CAPN9: variants seen among roughly 807,000 people sequenced by gnomAD.
The protein encoded by CAPN9 is calpain 9.
Under a neutral mutation model 92.8 loss-of-function variants are expected in CAPN9, and 81 were observed. That is an observed-to-expected ratio of 0.87 (90% confidence interval 0.73 to 1.05). The LOEUF (loss-of-function observed/expected upper bound fraction) is 1.05. CAPN9 is among the 50% of genes least tolerant of loss of function. CAPN9 has a pLI of 0.00. For synonymous variants in CAPN9, 304 were observed against 328.0 expected, an observed-to-expected ratio of 0.93 and a Z score of 0.79; for missense variants, 848 against 866.2, an observed-to-expected ratio of 0.98 and a Z score of 0.26.
intron 12 of CAPN9, chr1:230,786,240 T>C (rs1667572633): frequency 2.3e-6 from 2 of 852,510 alleles, no homozygotes; most frequent in Admixed American, 6.2e-5. Context: ...GGGTGCTTGG[T>C]ATAAAGTTCT....
chr1:230,779,233 C>A, intron 9 of CAPN9, 100 bp downstream of exon 9: 1 of 1,136,098 alleles, frequency 8.8e-7, no homozygotes, highest in Non-Finnish European at 1.3e-6. Context: ...AAGCCTGAAA[C>A]ATAGTAAGGT....
At chr1:230,774,411 C>T in intron 7 of CAPN9, 143 bp from the exon 8 acceptor site, 1 of 654,258 alleles carries the variant, frequency 1.5e-6, no homozygotes, top group Non-Finnish European at 2.8e-6. Context: ...CCGCTACATC[C>T]CTGGGTGCAT....
At chr1:230,755,209 C>G (rs564424168) in intron 1 of CAPN9, 128 bp from the exon 2 acceptor site, 12 of 722,110 alleles carry the variant, frequency 1.7e-5, no homozygotes, top group Non-Finnish European at 1.2e-5. Context: ...CGTGGCCCTC[C>G]TCAGGGAAAA....
In CAPN9 at chr1:230,747,728, G is replaced by A. The variant is rs368761278; in HGVS notation, c.213+19G>A. On this transcript the variant is annotated intron_variant, in intron 1 of 19. Coordinates refer to ENST00000271971, the MANE Select transcript of CAPN9 (RefSeq NM_006615.3). ...ACCAGGGGTGAGTGGGGCGAGCAGG[G>A]GAAGGAGCATAGATGAGGCCGAGGT... 4 of 1,611,514 alleles carry A rather than the reference G, an allele frequency of 2.5e-6. No individual in the cohort carries two copies. The highest frequency in any genetic ancestry group is 3.4e-6 in the Non-Finnish European group (4 of 1,177,834).
Position 230,762,749 on chromosome 1 carries a change from G to A in CAPN9, c.499G>A (p.Glu167Lys), listed in dbSNP as rs1195967092. The A allele has an allele frequency of 2.5e-6, 4 of 1,614,012 alleles. No homozygotes were observed. Among genetic ancestry groups the A allele is most frequent in the Admixed American group, 1.7e-5 (1 of 59,996 alleles). ...LVFLHSADHN[E>K]FWSALLEKAY... The stretch of plus-strand genomic sequence containing the variant: ...TTTCCTCCACTCTGCCGACCACAAC[G>A]AGTTCTGGAGCGCCTTGCTGGAAAA... The change falls in exon 4 of 20, where the codon GAG becomes AAG. Residue 167 changes from glutamate (E) to lysine (K), a missense_variant. By Grantham distance (56) the Glu-to-Lys change is moderately conservative. Coordinates refer to ENST00000271971, the MANE Select transcript of CAPN9 (RefSeq NM_006615.3).
At chr1:230,754,720 T>C (rs1470263902) in intron 1 of CAPN9, among the ~76,000 whole-genome samples, 1 of 149,314 alleles carries the variant, frequency 6.7e-6, no homozygotes, top group Non-Finnish European at 1.5e-5. Flanking sequence ...GAGGCTGAGG[T>C]GGAAGGATTG....
intron 17 of CAPN9, among the ~76,000 whole-genome samples, chr1:230,794,406 A>G (rs1668201698): frequency 1.3e-5 from 2 of 152,174 alleles, no homozygotes. Context: ...ACTTGAAATC[A>G]GAAGGCAGAA....
intron 8 of CAPN9, chr1:230,777,050 A>C (rs1356395935): frequency 6.6e-6 from 1 of 152,234 alleles, no homozygotes; most frequent in East Asian, 1.9e-4. Flanking sequence ...ACTTTGAGTT[A>C]GGGGGTTACA....
chr1:230,774,940 C>T (rs1187127607), intron 8 of CAPN9, among the ~76,000 whole-genome samples: 3 of 151,820 alleles, frequency 2.0e-5, no homozygotes, highest in Admixed American at 6.6e-5. Context: ...GGGGTTTCAC[C>T]GTGTTGGCCA....
At chr1:230,758,254 T>G (rs1290366967) in intron 2 of CAPN9, among the ~76,000 whole-genome samples, 1 of 152,186 alleles carries the variant, frequency 6.6e-6, no homozygotes, top group Non-Finnish European at 1.5e-5. Flanking sequence ...GTCACTCTAT[T>G]AGACTCCTGT....
chr1:230,796,906 C>T (rs867247834), intron 18 of CAPN9, among the ~76,000 whole-genome samples: 39 of 152,206 alleles, frequency 2.6e-4, no homozygotes, highest in African/African-American at 9.4e-4. Context: ...GGCATCCTCA[C>T]ATTAGATTTG....
chr1:230,792,323 G>A (rs1668044254), intron 15 of CAPN9, 103 bp from the exon 16 acceptor site: 1 of 922,944 alleles, frequency 1.1e-6, no homozygotes, highest in Non-Finnish European at 1.8e-6. Context: ...GTGCACCCAG[G>A]CCAGCCCATC....
At chr1:230,773,540 C>T (rs1307387448) in intron 7 of CAPN9, among the ~76,000 whole-genome samples, 2 of 152,170 alleles carry the variant, frequency 1.3e-5, no homozygotes, top group Non-Finnish European at 2.9e-5. Context: ...TCCACTCATG[C>T]AGCCTCCATG....
chr1:230,762,756 G>A lies in CAPN9; in HGVS notation c.506G>A (p.Trp169Ter), dbSNP rs1169684609. Residue 169 changes from tryptophan to a stop codon, truncating the protein, a stop_gained, in exon 4 of 20, where the codon TGG (tryptophan) becomes TAG (stop). Transcript: ENST00000271971. LOFTEE classifies it high-confidence loss of function. ...FLHSADHNEF[W>*]SALLEKAYAK... The stretch of plus-strand genomic sequence containing the variant: ...CACTCTGCCGACCACAACGAGTTCT[G>A]GAGCGCCTTGCTGGAAAAAGCCTAC... The A allele has an allele frequency of 3.1e-6, 5 of 1,613,986 alleles. No homozygotes were observed. Among genetic ancestry groups the A allele is most frequent in the Non-Finnish European group, 4.2e-6 (5 of 1,180,014 alleles).
intron 13 of CAPN9, 72 bp downstream of exon 13, chr1:230,787,674 G>T: frequency 7.3e-7 from 1 of 1,363,914 alleles, no homozygotes; most frequent in Non-Finnish European, 1.0e-6. Flanking sequence ...AAGGGTTGCA[G>T]TCGTGGGGTT....
At chr1:230,775,456 C>A (rs530843344) in intron 8 of CAPN9, among the ~76,000 whole-genome samples, 10 of 152,206 alleles carry the variant, frequency 6.6e-5, no homozygotes, top group South Asian at 2.1e-4. Context: ...TTGTATTGGG[C>A]CTTCATCTCT....
rs1665731701 is a variant in CAPN9 at position 230,762,839 on chromosome 1, T to C, written c.536+53T>C. The C allele has an allele frequency of 1.9e-6, 3 of 1,551,408 alleles. No individual in the cohort carries two copies. In the South Asian group the frequency reaches 3.6e-5, roughly 18 times the overall value. On this transcript the variant is annotated intron_variant, in intron 4 of 19. Coordinates refer to ENST00000271971, the MANE Select transcript of CAPN9 (RefSeq NM_006615.3). Reference sequence around the variant, plus strand: ...AGCCTCCCGACAGGAGTCTCTACACTAGTCTTTGTAGTGAGCATCTAAGGG... The same window carrying C: ...AGCCTCCCGACAGGAGTCTCTACACCAGTCTTTGTAGTGAGCATCTAAGGG...
At chr1:230,800,513 G>T (rs1295695633) in intron 19 of CAPN9, among the ~76,000 whole-genome samples, 1 of 152,128 alleles carries the variant, frequency 6.6e-6, no homozygotes, top group Non-Finnish European at 1.5e-5. Flanking sequence ...GTATTCCAGT[G>T]CTGCAGCTTC....
chr1:230,795,957 A>G (rs778030058), intron 18 of CAPN9, among the ~76,000 whole-genome samples: 40 of 149,994 alleles, frequency 2.7e-4, no homozygotes, highest in Admixed American at 6.7e-4. Context: ...GGGGCCCCGC[A>G]TTTCCATTTT....
Sources: allele counts gnomAD v4.1 joint callset (sites outside exome capture counted in the v4.1 genomes callset), GRCh38; gene constraint gnomAD v4.1.1; transcripts MANE v1.5; gene names NCBI Gene and HGNC (gene_info 2026-07-23, HGNC 2026-07-21).